The following NELL1 variants were observed in gnomAD, a reference collection of about 807,000 sequenced individuals.
NELL1 encodes the protein neural EGFL like 1.
NELL1 carries 76 observed loss-of-function variants against 107.4 expected under a neutral mutation model. The ratio of observed to expected loss-of-function variants is 0.71; its 90% confidence interval spans 0.59 to 0.86. The LOEUF (loss-of-function observed/expected upper bound fraction) is 0.86. Among genes scored for constraint, NELL1 ranks in the 40% least tolerant of loss-of-function variants. The pLI is 0.00. For synonymous variants in NELL1, 353 were observed against 341.2 expected, an observed-to-expected ratio of 1.03 and a Z score of -0.38; for missense variants, 1,024 against 1,005.5, an observed-to-expected ratio of 1.02 and a Z score of -0.25.
intron 3 of NELL1, among the ~76,000 whole-genome samples, chr11:20,807,066 T>TG (rs1471157874): frequency 1.1e-4 from 16 of 151,728 alleles, no homozygotes; most frequent in South Asian, 4.2e-4. Context: ...TTTTTTTTTT[T>TG]TTGTTGGGGT....
chr11:21,108,452 G>A (rs1209174590), intron 12 of NELL1, among the ~76,000 whole-genome samples: 1 of 152,048 alleles, frequency 6.6e-6, no homozygotes, highest in Non-Finnish European at 1.5e-5. Flanking sequence ...TGTAAATCAT[G>A]TATTTTTATT....
intron 17 of NELL1, 133 bp from the exon 18 acceptor site, chr11:21,570,631 A>G: frequency 4.6e-6 from 3 of 654,102 alleles, no homozygotes. Flanking sequence ...GTGAACACAC[A>G]TGTGTGCTTC....
At chr11:20,991,832 G>A (rs919035391) in intron 12 of NELL1, among the ~76,000 whole-genome samples, 1 of 152,122 alleles carries the variant, frequency 6.6e-6, no homozygotes, top group Non-Finnish European at 1.5e-5. Flanking sequence ...AGCAGAGGAA[G>A]TTAATTTGGC....
At chr11:20,934,764 C>G (rs1490618304) in intron 9 of NELL1, among the ~76,000 whole-genome samples, 2 of 152,204 alleles carry the variant, frequency 1.3e-5, no homozygotes, top group Non-Finnish European at 2.9e-5. Context: ...ATTTATTAGA[C>G]AGGAATTCCA....
chr11:21,323,970 A>T (rs976102137), intron 14 of NELL1, among the ~76,000 whole-genome samples: 2 of 152,082 alleles, frequency 1.3e-5, no homozygotes, highest in African/African-American at 4.8e-5. Context: ...TTCTCAAGCA[A>T]CTTGCTCTTA....
At chr11:20,910,484 C>T (rs1850104312) in intron 5 of NELL1, among the ~76,000 whole-genome samples, 1 of 152,206 alleles carries the variant, frequency 6.6e-6, no homozygotes, top group Admixed American at 6.5e-5. Flanking sequence ...TCCGGCCCCG[C>T]ACTCACCACA....
chr11:21,225,933 G>T (rs926867462), intron 13 of NELL1, among the ~76,000 whole-genome samples: 3 of 152,124 alleles, frequency 2.0e-5, no homozygotes, highest in Non-Finnish European at 4.4e-5. Flanking sequence ...AGACAGAGAG[G>T]TTGGGTAACT....
chr11:21,297,907 TAGAGAA>T (rs1450567241), intron 14 of NELL1, among the ~76,000 whole-genome samples: 1 of 149,594 alleles, frequency 6.7e-6, no homozygotes, highest in African/African-American at 2.5e-5. Flanking sequence ...AGGGAGGGAG[TAGAGAA>T]AGAGAAAGAG....
intron 13 of NELL1, among the ~76,000 whole-genome samples, chr11:21,199,668 T>C (rs934916797): frequency 3.3e-5 from 5 of 152,188 alleles, no homozygotes; most frequent in Non-Finnish European, 7.3e-5. Flanking sequence ...TTAATTATAC[T>C]TCAAGTGTTG....
At chr11:21,564,878 A>G (rs1370227164) in intron 17 of NELL1, among the ~76,000 whole-genome samples, 4 of 151,954 alleles carry the variant, frequency 2.6e-5, no homozygotes, top group African/African-American at 4.8e-5. Context: ...ATGTAAACCT[A>G]TTCCCAGAAA....
chr11:20,832,122 C>T lies in NELL1; in HGVS notation c.336-15461C>T, dbSNP rs186206808. The stretch of plus-strand genomic sequence containing the variant: ...TACTAATGGCCCCCTGAGATATTTA[C>T]TACATAGCCCTCACCTGTTTCAGTG... On this transcript the variant is annotated intron_variant, in intron 3 of 19. Transcript: ENST00000357134. 1.6e-3 allele frequency among the ~76,000 whole-genome samples: 242 copies of T among 152,324 alleles called. 2 individuals are homozygous for T. Among genetic ancestry groups the T allele is most frequent in the Middle Eastern group, 6.8e-3 (2 of 294 alleles).
rs371692426 is a variant in NELL1, at chr11:21,524,550, G to A, written c.1646-9824G>A. On this transcript the variant is annotated intron_variant, in intron 15 of 19. Coordinates refer to ENST00000357134, the MANE Select transcript of NELL1 (RefSeq NM_006157.5). ...ATTTAAAAACAATCACTTGCAGGGC[G>A]GGAAGCCTCAAATTCAATGGAATAT... 1.3e-3 allele frequency among the ~76,000 whole-genome samples: 198 copies of A among 152,004 alleles called. 1 individual carries two copies. The highest frequency in any genetic ancestry group is 2.5e-3 in the Non-Finnish European group (168 of 67,968).
intron 14 of NELL1, among the ~76,000 whole-genome samples, chr11:21,241,532 C>T (rs1858359471): frequency 6.6e-6 from 1 of 152,064 alleles, no homozygotes; most frequent in Non-Finnish European, 1.5e-5. Flanking sequence ...CTTCAAGAGG[C>T]TTCTCTTGAC....
chr11:21,325,505 T>C (rs1197896163), intron 14 of NELL1, among the ~76,000 whole-genome samples: 4 of 152,072 alleles, frequency 2.6e-5, no homozygotes, highest in Non-Finnish European at 5.9e-5. Context: ...TATTTTGGGG[T>C]ACAAAAATAA....
intron 15 of NELL1, among the ~76,000 whole-genome samples, chr11:21,378,047 A>G (rs1387513846): frequency 6.6e-6 from 1 of 151,980 alleles, no homozygotes; most frequent in African/African-American, 2.4e-5. Context: ...GTGACCATCA[A>G]AAATGTTTTC....
intron 12 of NELL1, among the ~76,000 whole-genome samples, chr11:21,039,584 A>C (rs4922731): frequency 6.6e-6 from 1 of 152,186 alleles, no homozygotes; most frequent in Non-Finnish European, 1.5e-5. Flanking sequence ...GATTTTCTAG[A>C]TGGAGCAAAA....
chr11:21,139,886 G>A (rs1295405312), intron 13 of NELL1, among the ~76,000 whole-genome samples: 1 of 152,132 alleles, frequency 6.6e-6, no homozygotes, highest in African/African-American at 2.4e-5. Context: ...ATGTCATCAA[G>A]GACCTGAGAC....
intron 14 of NELL1, among the ~76,000 whole-genome samples, chr11:21,336,674 T>TACACAC (rs1555005791): frequency 0.022 from 2,844 of 130,366 alleles, 46 homozygotes; most frequent in Non-Finnish European, 0.033. Context: ...TATATATATA[T>TACACAC]ACACACACAC....
At chr11:21,368,370 C>A (rs201195421) in intron 14 of NELL1, among the ~76,000 whole-genome samples, 3 of 123,902 alleles carry the variant, frequency 2.4e-5, no homozygotes, top group East Asian at 2.4e-4. Context: ...TTTTTTTTTT[C>A]TTTTAACTTT....
Sources: allele counts gnomAD v4.1 joint callset (sites outside exome capture counted in the v4.1 genomes callset), GRCh38; gene constraint gnomAD v4.1.1; transcripts MANE v1.5; gene names NCBI Gene and HGNC (gene_info 2026-07-23, HGNC 2026-07-21).